TENM2: variants seen among roughly 807,000 people sequenced by gnomAD.
The protein encoded by TENM2 is teneurin-2.
In TENM2, 52 loss-of-function variants were observed where a neutral mutation model predicts 245.2. The observed-to-expected ratio is 0.21, with a 90% CI of 0.17 to 0.27. The LOEUF is 0.27. Among genes scored for constraint, TENM2 ranks in the 10% least tolerant of loss-of-function variants. TENM2 has a pLI of 1.00. For missense variants in TENM2, 3,046 were observed against 3,666.8 expected, an observed-to-expected ratio of 0.83 and a Z score of 4.37; for synonymous variants, 1,363 against 1,438.9, an observed-to-expected ratio of 0.95 and a Z score of 1.19.
the TENM2 span, among the ~76,000 whole-genome samples, chr5:167,010,147 C>A: frequency 2.0e-5 from 3 of 152,202 alleles, no homozygotes; most frequent in Admixed American, 6.5e-5. Context: ...TTTGGGAGGC[C>A]AAGGCGGGTG....
chr5:168,059,934 A>G (rs1202545072), intron 6 of TENM2, among the ~76,000 whole-genome samples: 1 of 152,244 alleles, frequency 6.6e-6, no homozygotes, highest in East Asian at 1.9e-4. Context: ...CCATCTATAC[A>G]CATGAGGACA....
intron 13 of TENM2, among the ~76,000 whole-genome samples, chr5:168,189,028 T>C (rs1581581294): frequency 6.6e-6 from 1 of 152,184 alleles, no homozygotes; most frequent in Non-Finnish European, 1.5e-5. Context: ...CAGTGTCTGG[T>C]GAGGCCCTGA....
the TENM2 span, among the ~76,000 whole-genome samples, chr5:167,060,749 G>A: frequency 1.3e-5 from 2 of 150,532 alleles, no homozygotes; most frequent in South Asian, 4.2e-4. Flanking sequence ...TGTAATTAAT[G>A]TAAATATTAT....
intron 13 of TENM2, among the ~76,000 whole-genome samples, chr5:168,166,418 T>C (rs1480320807): frequency 6.6e-6 from 1 of 152,188 alleles, no homozygotes; most frequent in Non-Finnish European, 1.5e-5. Flanking sequence ...TAGATACAAA[T>C]AACAGATAGA....
intron 4 of TENM2, among the ~76,000 whole-genome samples, chr5:167,959,235 C>T (rs1780809482): frequency 6.7e-6 from 1 of 150,074 alleles, no homozygotes; most frequent in African/African-American, 2.5e-5. Context: ...CGCTCTGTCG[C>T]CCAGGCTGGA....
At chr5:168,135,830 A>G (rs1754999911) in intron 12 of TENM2, among the ~76,000 whole-genome samples, 1 of 152,198 alleles carries the variant, frequency 6.6e-6, no homozygotes, top group Middle Eastern at 3.2e-3. Context: ...AACATCTGCA[A>G]AGTTGCATCC....
the TENM2 span, among the ~76,000 whole-genome samples, chr5:167,144,521 C>T: frequency 6.6e-6 from 1 of 151,974 alleles, no homozygotes; most frequent in East Asian, 1.9e-4. Flanking sequence ...TTGGTCTTTC[C>T]TCAATTCATT....
At chr5:167,385,242 G>C (rs1236898639) in intron 2 of TENM2, among the ~76,000 whole-genome samples, 1 of 151,860 alleles carries the variant, frequency 6.6e-6, no homozygotes, top group Admixed American at 6.6e-5. Context: ...TATCCTTGCC[G>C]CTTCTTCATG....
chr5:168,235,867 C>T (rs1043776140), intron 25 of TENM2, among the ~76,000 whole-genome samples: 4 of 151,632 alleles, frequency 2.6e-5, no homozygotes, highest in East Asian at 1.9e-4. Context: ...GGAGCTAATA[C>T]GGAATATATG....
At chr5:167,129,028 T>C in the TENM2 span, among the ~76,000 whole-genome samples, 1 of 152,332 alleles carries the variant, frequency 6.6e-6, no homozygotes, top group African/African-American at 2.4e-5. Context: ...TGTTGGTATT[T>C]TTTAAGTCAG....
chr5:167,862,348 C>A (rs2151294537), intron 2 of TENM2, among the ~76,000 whole-genome samples: 1 of 152,140 alleles, frequency 6.6e-6, no homozygotes, highest in East Asian at 1.9e-4. Flanking sequence ...CTTCATTATC[C>A]AGCATACCAC....
At chr5:167,205,437 T>C in the TENM2 span, among the ~76,000 whole-genome samples, 2 of 152,122 alleles carry the variant, frequency 1.3e-5, no homozygotes, top group African/African-American at 4.8e-5. Flanking sequence ...CTTCCAATAA[T>C]AGTTCTTTCT....
At chr5:167,785,551 C>T (rs921912351) in intron 2 of TENM2, among the ~76,000 whole-genome samples, 2 of 152,198 alleles carry the variant, frequency 1.3e-5, no homozygotes, top group African/African-American at 4.8e-5. Context: ...GCTTCACTAT[C>T]ATCCATGTCT....
intron 27 of TENM2, 94 bp downstream of exon 29, chr5:168,248,465 G>T: frequency 7.6e-7 from 1 of 1,316,170 alleles, no homozygotes; most frequent in Non-Finnish European, 1.0e-6. Flanking sequence ...TCTTATGGTA[G>T]GAGAAGCCCA....
At chr5:167,699,983 T>G (rs1012903784) in intron 2 of TENM2, among the ~76,000 whole-genome samples, 1 of 152,202 alleles carries the variant, frequency 6.6e-6, no homozygotes, top group African/African-American at 2.4e-5. Flanking sequence ...TGAATTCACT[T>G]CTGTAAATGC....
At chr5:167,342,536 T>TTTTG (rs1758173295) in intron 1 of TENM2, among the ~76,000 whole-genome samples, 1 of 140,542 alleles carries the variant, frequency 7.1e-6, no homozygotes. Context: ...TTTTTTTTTT[T>TTTTG]TTGAGACGGA....
chr5:167,567,434 C>T (rs943214104), intron 2 of TENM2, among the ~76,000 whole-genome samples: 4 of 152,092 alleles, frequency 2.6e-5, no homozygotes, highest in Admixed American at 2.6e-4. Flanking sequence ...AAACAAACCT[C>T]GTAGAAGAGA....
At chr5:167,966,155 C>T (rs1254247284) in intron 4 of TENM2, among the ~76,000 whole-genome samples, 1 of 152,164 alleles carries the variant, frequency 6.6e-6, no homozygotes, top group Non-Finnish European at 1.5e-5. Flanking sequence ...TCTGAGGCCT[C>T]ACCACTCCAT....
At chr5:167,087,572 A>C in the TENM2 span, among the ~76,000 whole-genome samples, 1 of 152,182 alleles carries the variant, frequency 6.6e-6, no homozygotes, top group Non-Finnish European at 1.5e-5. Context: ...TATTTCTAAC[A>C]CATAGAATAG....
Sources: allele counts gnomAD v4.1 joint callset (sites outside exome capture counted in the v4.1 genomes callset), GRCh38; gene constraint gnomAD v4.1.1; transcripts MANE v1.5; gene names NCBI Gene and HGNC (gene_info 2026-07-23, HGNC 2026-07-21).